METTL15: variants seen among roughly 807,000 people sequenced by gnomAD.
METTL15 encodes the protein methyltransferase 15, mitochondrial 12S rRNA N4-cytidine.
Under a neutral mutation model 38.3 loss-of-function variants are expected in METTL15, and 34 were observed. The observed-to-expected ratio is 0.89, with a 90% CI of 0.68 to 1.18. The LOEUF (loss-of-function observed/expected upper bound fraction) is 1.18. Ranked by LOEUF, METTL15 falls within the 50% of genes most tolerant of loss-of-function variation. The pLI is 0.00. For synonymous variants in METTL15, 162 were observed against 170.9 expected, an observed-to-expected ratio of 0.95 and a Z score of 0.41; for missense variants, 438 against 498.4, an observed-to-expected ratio of 0.88 and a Z score of 1.15.
chr11:28,479,784 A>C (rs1176225365), intron 6 of METTL15, among the ~76,000 whole-genome samples: 1 of 152,234 alleles, frequency 6.6e-6, no homozygotes, highest in African/African-American at 2.4e-5. Flanking sequence ...ATATTTGGAT[A>C]TAAATATGTA....
intron 4 of METTL15, among the ~76,000 whole-genome samples, chr11:28,356,396 G>C (rs1288308006): frequency 1.3e-5 from 2 of 152,158 alleles, no homozygotes; most frequent in African/African-American, 4.8e-5. Context: ...AGTGACATGA[G>C]CCTTCTCTGT....
downstream of METTL15, among the ~76,000 whole-genome samples, chr11:28,337,748 T>C (rs1448028264): frequency 6.6e-6 from 1 of 152,144 alleles, no homozygotes; most frequent in Non-Finnish European, 1.5e-5. Context: ...ACCATTGTAT[T>C]ACAATTGCCT....
chr11:28,139,034 C>G (rs977914031), intron 3 of METTL15, among the ~76,000 whole-genome samples: 20 of 152,182 alleles, frequency 1.3e-4, no homozygotes, highest in Non-Finnish European at 7.3e-5. Flanking sequence ...CCGGTCTGCA[C>G]AGGGAGAGGG....
intron 6 of METTL15, among the ~76,000 whole-genome samples, chr11:28,438,453 T>TG (rs1851002408): frequency 6.6e-6 from 1 of 152,144 alleles, no homozygotes; most frequent in Admixed American, 6.5e-5. Context: ...TTTTCTCTCT[T>TG]GCTGGGACAT....
At chr11:28,447,145 A>G (rs926463557) in intron 6 of METTL15, among the ~76,000 whole-genome samples, 10 of 152,178 alleles carry the variant, frequency 6.6e-5, no homozygotes, top group Non-Finnish European at 1.0e-4. Context: ...GTATTACTAT[A>G]TAGTCTCTTT....
intron 6 of METTL15, among the ~76,000 whole-genome samples, chr11:28,482,775 T>A (rs917560114): frequency 6.6e-6 from 1 of 152,150 alleles, no homozygotes; most frequent in Non-Finnish European, 1.5e-5. Context: ...AGTCAGCATC[T>A]CTCAGGATGA....
intron 3 of METTL15, among the ~76,000 whole-genome samples, chr11:28,117,260 TA>T (rs1852013867): frequency 2.2e-4 from 1 of 4,500 alleles, no homozygotes; most frequent in Non-Finnish European, 2.7e-3. Flanking sequence ...TGTGTGTGTG[TA>T]TATATATATA....
At chr11:28,271,003 A>T (rs1331181062) in intron 4 of METTL15, among the ~76,000 whole-genome samples, 7 of 152,230 alleles carry the variant, frequency 4.6e-5, no homozygotes, top group African/African-American at 1.7e-4. Context: ...GAAAGTGCTT[A>T]AAACAATGCA....
intron 4 of METTL15, among the ~76,000 whole-genome samples, chr11:28,215,102 T>C (rs1852806099): frequency 6.6e-6 from 1 of 152,198 alleles, no homozygotes; most frequent in Admixed American, 6.5e-5. Context: ...AGAACTATGA[T>C]TGGACAAAAA....
chr11:28,324,887 C>T (rs1849582928), intron 6 of METTL15, among the ~76,000 whole-genome samples: 1 of 152,176 alleles, frequency 6.6e-6, no homozygotes, highest in African/African-American at 2.4e-5. Context: ...AGCAGCAGCT[C>T]TCATCGACAG....
intron 3 of METTL15, among the ~76,000 whole-genome samples, chr11:28,157,290 GT>G (rs1426319889): frequency 6.6e-6 from 1 of 152,214 alleles, no homozygotes; most frequent in African/African-American, 2.4e-5. Flanking sequence ...AAGGCTGCCA[GT>G]TTTGAGTGGG....
chr11:28,221,023 C>G (rs1853187195), intron 4 of METTL15, among the ~76,000 whole-genome samples: 2 of 152,158 alleles, frequency 1.3e-5, no homozygotes, highest in Non-Finnish European at 2.9e-5. Flanking sequence ...TTTGGTGAAT[C>G]TGACAGTTAT....
In METTL15 at chr11:28,212,967, A is replaced by G. The variant is rs1420551276; in HGVS notation, c.407+1769A>G. On this transcript the variant is annotated intron_variant, in intron 4 of 6. Coordinates refer to ENST00000407364, the MANE Select transcript of METTL15 (RefSeq NM_001113528.2). Reference sequence around the variant, plus strand: ...TTTTACCATGTGTAATTTTTTTTTAACCTAACAGGAACTATCAGGCTGTAT... The same window carrying G: ...TTTTACCATGTGTAATTTTTTTTTAGCCTAACAGGAACTATCAGGCTGTAT... Among the ~76,000 whole-genome samples, 4 of 152,174 alleles carry G rather than the reference A, an allele frequency of 2.6e-5. No individual in the cohort carries two copies. In the East Asian group the frequency reaches 7.7e-4, roughly 29 times the overall value.
At chr11:28,308,500 C>A (rs1186257722) in intron 6 of METTL15, among the ~76,000 whole-genome samples, 2 of 152,050 alleles carry the variant, frequency 1.3e-5, no homozygotes, top group Non-Finnish European at 2.9e-5. Context: ...TTAATTGACA[C>A]AGTTCCACTC....
chr11:28,437,464 A>G, intron 6 of METTL15, among the ~76,000 whole-genome samples: 1 of 152,188 alleles, frequency 6.6e-6, no homozygotes, highest in South Asian at 2.1e-4. Context: ...TTAGCCAGAT[A>G]TCCTTCAACT....
chr11:28,205,710 T>G (rs1386821283), intron 3 of METTL15, among the ~76,000 whole-genome samples: 12 of 151,214 alleles, frequency 7.9e-5, no homozygotes, highest in Admixed American at 2.6e-4. Flanking sequence ...TGAACTAGTT[T>G]ACAGTCCCAC....
chr11:28,137,174 C>G (rs915228675), intron 3 of METTL15, among the ~76,000 whole-genome samples: 2 of 152,156 alleles, frequency 1.3e-5, no homozygotes, highest in African/African-American at 4.8e-5. Flanking sequence ...ACTTCTATTT[C>G]AATGCGCAAT....
At chr11:28,114,052 A>G (rs1221048048) in intron 3 of METTL15, among the ~76,000 whole-genome samples, 2 of 152,226 alleles carry the variant, frequency 1.3e-5, no homozygotes, top group Non-Finnish European at 2.9e-5. Context: ...ATTTGTATTG[A>G]TAAGCTTATG....
chr11:28,185,705 G>C (rs562501328), intron 3 of METTL15, among the ~76,000 whole-genome samples: 5 of 151,026 alleles, frequency 3.3e-5, no homozygotes, highest in African/African-American at 1.2e-4. Context: ...AAAGTCCCAG[G>C]CCAAAGCAAA....
Sources: gnomAD v4.1 joint callset for allele counts (sites outside exome capture counted in the v4.1 genomes callset) on GRCh38, gnomAD v4.1.1 for gene constraint, MANE v1.5 for transcripts, NCBI Gene and HGNC (gene_info 2026-07-23, HGNC 2026-07-21) for gene names.